The following ST18 variants were observed in gnomAD, a reference collection of about 807,000 sequenced individuals.
ST18 encodes the protein ST18 C2H2C-type zinc finger transcription factor.
In ST18, 50 loss-of-function variants were observed where a neutral mutation model predicts 110.0. That is an observed-to-expected ratio of 0.45 (90% CI 0.36 to 0.58). ST18 has a LOEUF of 0.58. Among genes scored for constraint, ST18 ranks in the 20% least tolerant of loss-of-function variants. The probability of loss-of-function intolerance (pLI) is 0.00; values close to 1 mark genes in which losing one functional copy is unlikely to be tolerated. For synonymous variants in ST18, 461 were observed against 452.4 expected, an observed-to-expected ratio of 1.02 and a Z score of -0.24; for missense variants, 1,306 against 1,280.1, an observed-to-expected ratio of 1.02 and a Z score of -0.31.
At chr8:52,344,818 T>C (rs1816953045) in intron 2 of ST18, among the ~76,000 whole-genome samples, 1 of 152,240 alleles carries the variant, frequency 6.6e-6, no homozygotes, top group Admixed American at 6.5e-5. Context: ...AAAGTTTTAA[T>C]AAATAATAAT....
intron 2 of ST18, among the ~76,000 whole-genome samples, chr8:52,315,465 A>G (rs555365320): frequency 6.6e-6 from 1 of 152,274 alleles, no homozygotes; most frequent in Admixed American, 6.5e-5. Flanking sequence ...GTATATTTCT[A>G]TTGAAAATTG....
intron 6 of ST18, among the ~76,000 whole-genome samples, chr8:52,215,459 T>C (rs968553509): frequency 6.6e-6 from 1 of 152,234 alleles, no homozygotes; most frequent in Non-Finnish European, 1.5e-5. Flanking sequence ...TGTGCATTTT[T>C]TCACCTGCAA....
chr8:52,392,846 T>A (rs1323412733), intron 2 of ST18, among the ~76,000 whole-genome samples: 2 of 152,154 alleles, frequency 1.3e-5, no homozygotes, highest in Non-Finnish European at 2.9e-5. Context: ...TGAAGGGAAA[T>A]TACAAAGTTA....
intron 2 of ST18, among the ~76,000 whole-genome samples, chr8:52,259,459 A>C (rs1055388487): frequency 6.6e-6 from 1 of 152,154 alleles, no homozygotes; most frequent in African/African-American, 2.4e-5. Context: ...CTATTTGCAA[A>C]AGTAGTTATA....
At chr8:52,369,980 T>C (rs1257337929) in intron 2 of ST18, among the ~76,000 whole-genome samples, 1 of 152,214 alleles carries the variant, frequency 6.6e-6, no homozygotes, top group Admixed American at 6.5e-5. Flanking sequence ...AATGTTCACC[T>C]AGTCAGACCG....
At chr8:52,227,765 C>A (rs534434246) in intron 3 of ST18, among the ~76,000 whole-genome samples, 130 of 152,196 alleles carry the variant, frequency 8.5e-4, no homozygotes, top group African/African-American at 3.1e-3. Flanking sequence ...CAGCATCGCC[C>A]AGAATTCTGT....
At chr8:52,389,954 A>C (rs1030657315) in intron 2 of ST18, among the ~76,000 whole-genome samples, 5 of 151,796 alleles carry the variant, frequency 3.3e-5, no homozygotes, top group African/African-American at 9.7e-5. Flanking sequence ...ACAACAACAA[A>C]AAGTTTAATT....
At chr8:52,296,551 T>G (rs907599935) in intron 2 of ST18, 1 of 152,194 alleles carries the variant, frequency 6.6e-6, no homozygotes, top group African/African-American at 2.4e-5. Flanking sequence ...CGTCACTTAC[T>G]GGTGGTAATG....
rs145085646 is a variant in ST18, at chr8:52,303,121, T to A, written c.-464-73044A>T. ...GTGCCATAACAGATTACCACAAAAT[T>A]GGTGGCTTAAAATGACACAGATTTA... On this transcript the variant is annotated intron_variant, in intron 2 of 25. Transcript: ENST00000689386. Among the ~76,000 whole-genome samples the A allele has an allele frequency of 6.0e-3, 918 of 152,322 alleles. 5 individuals carry two copies. Among genetic ancestry groups the A allele is most frequent in the African/African-American group, 0.021 (870 of 41,564 alleles).
At chr8:52,332,085 T>G (rs1809724892) in intron 2 of ST18, among the ~76,000 whole-genome samples, 1 of 151,956 alleles carries the variant, frequency 6.6e-6, no homozygotes, top group Non-Finnish European at 1.5e-5. Context: ...ATAAAACAAA[T>G]ATATAAAATA....
At position 52,126,067 on chromosome 8, in the gene ST18, G is replaced by T. The variant is rs1398027235; in HGVS notation, c.2740C>A (p.Leu914Ile). The T allele has an allele frequency of 6.2e-7, 1 of 1,614,084 alleles. No individual in the cohort carries two copies. The highest frequency in any genetic ancestry group is 8.5e-7 in the Non-Finnish European group (1 of 1,179,998). ...GTGCTCTTACCCCCAGTTGCTTTGA[G>T]CTTGATGGTCATGAGTTCTTCAGAA... ...KVSEELMTIK[L>I]KATGGIESDE... Residue 914 changes from leucine to isoleucine, a missense_variant, in exon 23 of 26, where the codon CTC (leucine) becomes ATC (isoleucine). Physicochemically the swap from Leu to Ile is conservative, Grantham distance 5 (BLOSUM62 2). Transcript: ENST00000689386.
intron 2 of ST18, among the ~76,000 whole-genome samples, chr8:52,251,996 A>G (rs571445624): frequency 6.6e-6 from 1 of 152,100 alleles, no homozygotes; most frequent in Non-Finnish European, 1.5e-5. Flanking sequence ...TAATTTCAAG[A>G]GCAATAAAGT....
intron 2 of ST18, among the ~76,000 whole-genome samples, chr8:52,315,862 T>C (rs1375976540): frequency 3.3e-5 from 5 of 152,222 alleles, no homozygotes; most frequent in Non-Finnish European, 5.9e-5. Context: ...GTTTTTAAAA[T>C]ACTCAAGTCA....
chr8:52,156,188 A>C (rs1398843151), intron 15 of ST18, among the ~76,000 whole-genome samples: 1 of 152,162 alleles, frequency 6.6e-6, no homozygotes, highest in Non-Finnish European at 1.5e-5. Context: ...TTTGTTGGTA[A>C]GCTCCTCAAG....
intron 2 of ST18, among the ~76,000 whole-genome samples, chr8:52,308,519 T>C (rs1025601455): frequency 2.6e-5 from 4 of 152,236 alleles, no homozygotes; most frequent in African/African-American, 9.6e-5. Flanking sequence ...TCCTGCCCTG[T>C]GTTCTCTCCA....
At chr8:52,234,959 CAG>C (rs946096426) in intron 2 of ST18, among the ~76,000 whole-genome samples, 3 of 151,930 alleles carry the variant, frequency 2.0e-5, no homozygotes, top group African/African-American at 7.3e-5. Flanking sequence ...TTTAGGGACT[CAG>C]GGGAAAGGGT....
intron 2 of ST18, among the ~76,000 whole-genome samples, chr8:52,270,086 G>T (rs191910649): frequency 6.6e-6 from 1 of 152,156 alleles, no homozygotes; most frequent in East Asian, 1.9e-4. Flanking sequence ...AGAAAATTTG[G>T]AAAATAAAAT....
At chr8:52,407,210 C>A (rs928071627) in intron 2 of ST18, 11 of 152,124 alleles carry the variant, frequency 7.2e-5, no homozygotes, top group Non-Finnish European at 1.5e-4. Flanking sequence ...GTAGGTTTTT[C>A]TTTCCAGATT....
chr8:52,268,436 T>G (rs2094943604), intron 2 of ST18, among the ~76,000 whole-genome samples: 1 of 151,940 alleles, frequency 6.6e-6, no homozygotes, highest in Non-Finnish European at 1.5e-5. Context: ...GAGAAGAGCT[T>G]CTGTCTATCT....
Sources: allele counts gnomAD v4.1 joint callset (sites outside exome capture counted in the v4.1 genomes callset), GRCh38; gene constraint gnomAD v4.1.1; transcripts MANE v1.5; gene names NCBI Gene and HGNC (gene_info 2026-07-23, HGNC 2026-07-21).